Variants in PAXBP1 observed in about 807,000 individuals in gnomAD.
The protein encoded by PAXBP1 is PAX3- and PAX7-binding protein 1.
PAXBP1 carries 44 observed loss-of-function variants against 119.9 expected under a neutral mutation model. That is an observed-to-expected ratio of 0.37 (90% CI 0.29 to 0.47). The LOEUF is 0.47. Ranked by LOEUF, PAXBP1 falls within the 20% of genes least tolerant of loss-of-function variation. PAXBP1 has a pLI of 0.99. For synonymous variants in PAXBP1, 393 were observed against 406.6 expected, an observed-to-expected ratio of 0.97 and a Z score of 0.40; for missense variants, 898 against 1,134.1, an observed-to-expected ratio of 0.79 and a Z score of 2.99.
intron 3 of PAXBP1, among the ~76,000 whole-genome samples, chr21:32,763,745 G>A (rs553890247): frequency 3.3e-5 from 5 of 152,270 alleles, no homozygotes; most frequent in African/African-American, 1.2e-4. Context: ...CAGCACTTTG[G>A]GAGGCCGAGG....
rs775908438 is a variant in PAXBP1 at position 32,743,799 on chromosome 21, C to G, written c.2191-45G>C. The stretch of plus-strand genomic sequence containing the variant: ...TCACACATTTTAATAAGGACTATGA[C>G]AAGAAAAATAAGCCATATTCCAAAT... On this transcript the variant is annotated intron_variant, in intron 13 of 17. Coordinates refer to ENST00000331923, the MANE Select transcript of PAXBP1 (RefSeq NM_016631.4). 2.0e-5 allele frequency: 22 copies of G among 1,091,022 alleles called. 1 individual carries two copies. The Middle Eastern group carries it at 1.2e-3, about 60-fold the overall frequency. 67.6% of individuals were successfully genotyped at this position (1,091,022 alleles called of 1,614,324 possible). A position where few individuals can be genotyped will look rare whatever the true frequency, so the allele number is the denominator to read the frequency against.
At position 32,743,288 on chromosome 21, in the gene PAXBP1, G is replaced by A; in HGVS notation, c.2294C>T (p.Pro765Leu). ...AAACTGTCGTTGAAAAAACAAGTAA[G>A]GCCCAGAATTTTTATTTTCTAAGAC... Reference protein sequence around the residue: ...KNVLENKNSGPYLFFQRQFWS... With the variant: ...KNVLENKNSGLYLFFQRQFWS... The change falls in exon 15 of 18, where the codon CCT (proline) becomes CTT (leucine). Residue 765 changes from proline to leucine, a missense_variant. Around this residue, in one of 2 missense-constraint regions of PAXBP1, gnomAD observed 599 missense variants for 852.7 expected, o/e 0.70. Coordinates refer to ENST00000331923, the MANE Select transcript of PAXBP1 (RefSeq NM_016631.4). The A allele has an allele frequency of 6.4e-7, 1 of 1,574,262 alleles. No individual in the cohort carries two copies. The highest frequency in any genetic ancestry group is 8.6e-7 in the Non-Finnish European group (1 of 1,168,646).
At chr21:32,770,204 T>C (rs1164711385) in intron 1 of PAXBP1, among the ~76,000 whole-genome samples, 1 of 152,212 alleles carries the variant, frequency 6.6e-6, no homozygotes, top group East Asian at 1.9e-4. Context: ...ATTGTCGTCC[T>C]TAAATCATCT....
In PAXBP1 at chr21:32,769,957, T is replaced by G; in HGVS notation, c.344-15A>C. 6.7e-7 allele frequency: 1 copy of G among 1,499,634 alleles called. No individual in the cohort carries two copies. The highest frequency in any genetic ancestry group is 9.0e-7 in the Non-Finnish European group (1 of 1,107,542). 92.9% of individuals were successfully genotyped at this position (1,499,634 alleles called of 1,614,324 possible). On this transcript the variant is annotated splice_polypyrimidine_tract_variant and intron_variant, in intron 1 of 17. Coordinates refer to ENST00000331923, the MANE Select transcript of PAXBP1 (RefSeq NM_016631.4). The stretch of plus-strand genomic sequence containing the variant: ...TTCTTCATTTTCTTAAAAAGGAAAT[T>G]AAATGAAGTCTGTAGCAACTATTTT...
At position 32,734,053 on chromosome 21, in the gene PAXBP1, G is replaced by C. The variant is rs1367915695; in HGVS notation, c.*897C>G. On this transcript the variant is annotated 3_prime_UTR_variant, in exon 18 of 18. Coordinates refer to ENST00000331923, the MANE Select transcript of PAXBP1 (RefSeq NM_016631.4). ...CAAGTTCTCTGAATATTTACAATGT[G>C]GTATAAACATTATAGAAGACCATGG... is the stretch of plus-strand genomic sequence containing the variant. The C allele has an allele frequency of 6.6e-6, 1 of 152,532 alleles. No homozygotes were observed. The highest frequency in any genetic ancestry group is 2.1e-4 in the South Asian group (1 of 4,818). 9.4% of individuals were successfully genotyped at this position (152,532 alleles called of 1,614,324 possible). A position where few individuals can be genotyped will look rare whatever the true frequency, so the allele number is the denominator to read the frequency against.
intron 2 of PAXBP1, among the ~76,000 whole-genome samples, chr21:32,769,148 AT>A (rs2044291252): frequency 6.6e-6 from 1 of 152,200 alleles, no homozygotes; most frequent in Non-Finnish European, 1.5e-5. Context: ...GAAAATCATG[AT>A]TTTCTCATTA....
intron 2 of PAXBP1, among the ~76,000 whole-genome samples, chr21:32,766,614 C>T (rs1057421994): frequency 5.3e-5 from 8 of 152,314 alleles, no homozygotes; most frequent in Admixed American, 2.6e-4. Context: ...GCAGTGTGGA[C>T]CTGCTGCCCT....
intron 10 of PAXBP1, among the ~76,000 whole-genome samples, chr21:32,749,062 C>T (rs1351108600): frequency 6.6e-6 from 1 of 152,180 alleles, no homozygotes; most frequent in Admixed American, 6.5e-5. Context: ...CACAGATTAA[C>T]AGCTGTGCAT....
rs765886456 is a variant in PAXBP1, at chr21:32,771,359, C to G, written c.310G>C (p.Ala104Pro). 6.3e-7 allele frequency: 1 copy of G among 1,585,520 alleles called. No homozygotes were observed. The highest frequency in any genetic ancestry group is 8.5e-7 in the Non-Finnish European group (1 of 1,173,682). The change falls in exon 1 of 18, where the codon GCC becomes CCC. Residue 104 changes from alanine (A) to proline (P), a missense_variant. Coordinates refer to ENST00000331923, the MANE Select transcript of PAXBP1 (RefSeq NM_016631.4). ...TCGTCCTGGAAGCTGAGCAGGCTGG[C>G]CCGGGGCACCTCTTTGTTCTCGCGA... ...RPRENKEVPR[A>P]SLLSFQDEEE...
chr21:32,749,024 C>T lies in PAXBP1; in HGVS notation c.1724-326G>A, dbSNP rs141562985. On this transcript the variant is annotated intron_variant, in intron 10 of 17. Coordinates refer to ENST00000331923, the MANE Select transcript of PAXBP1 (RefSeq NM_016631.4). ...GTGTATTAGCCATAAGTAATTGTGC[C>T]GCTAGCTTTTTAGTTCACAGATCAC... 4.1e-4 allele frequency among the ~76,000 whole-genome samples: 63 copies of T among 152,174 alleles called. No individual in the cohort carries two copies. In the East Asian group the frequency reaches 5.0e-3, roughly 12 times the overall value.
At chr21:32,751,372 C>A (rs1425531392) in intron 8 of PAXBP1, 154 bp from the exon 9 acceptor site, 3 of 580,432 alleles carry the variant, frequency 5.2e-6, no homozygotes, top group Non-Finnish European at 9.0e-6. Flanking sequence ...TGGTTTAGAA[C>A]AAATTTCATT....
intron 15 of PAXBP1, chr21:32,743,026 G>A (rs1431630663): frequency 1.6e-6 from 1 of 639,976 alleles, no homozygotes; most frequent in Admixed American, 2.1e-5. Context: ...ATTTCGTTGA[G>A]TACGATGGAC....
intron 12 of PAXBP1, 69 bp from the exon 13 acceptor site, chr21:32,744,982 T>TTA: frequency 6.8e-7 from 1 of 1,467,190 alleles, no homozygotes; most frequent in Non-Finnish European, 9.3e-7. Flanking sequence ...CAAGCAGACC[T>TTA]CTATTAATGC....
intron 5 of PAXBP1, 130 bp downstream of exon 5, chr21:32,760,929 G>T (rs1425941582): frequency 3.1e-6 from 2 of 652,648 alleles, no homozygotes; most frequent in Non-Finnish European, 5.4e-6. Context: ...GTGTGTGTGT[G>T]TGTGTCTCCT....
Position 32,733,910 on chromosome 21 carries a change from ATTAAT to A in PAXBP1, c.*1035_*1039del, listed in dbSNP as rs1442314041. On this transcript the variant is annotated 3_prime_UTR_variant, in exon 18 of 18. Transcript: ENST00000331923. ...AATACAACAAAGGATATATTTAAAA[ATTAAT>A]TTAATGCTTGGCTAAATCTTAATTA... is the stretch of plus-strand genomic sequence containing the variant. 2 of 152,686 alleles carry A rather than the reference ATTAAT, an allele frequency of 1.3e-5. No individual in the cohort carries two copies. The highest frequency in any genetic ancestry group is 2.9e-5 in the Non-Finnish European group (2 of 68,042). 9.5% of individuals were successfully genotyped at this position (152,686 alleles called of 1,614,324 possible). A position where few individuals can be genotyped will look rare whatever the true frequency, so the allele number is the denominator to read the frequency against.
chr21:32,748,283 AC>A lies in PAXBP1; in HGVS notation c.1923+215del, dbSNP rs1318054234. Among the ~76,000 whole-genome samples the A allele has an allele frequency of 5.3e-5, 8 of 152,344 alleles. 1 individual carries two copies. In the East Asian group the frequency reaches 1.5e-3, roughly 29 times the overall value. On this transcript the variant is annotated intron_variant, in intron 11 of 17. Coordinates refer to ENST00000331923, the MANE Select transcript of PAXBP1 (RefSeq NM_016631.4). ...GGATTATATGTAAACTGAAAAAACA[AC>A]AACAACAACAAAAAAAACACATAGC... is the stretch of plus-strand genomic sequence containing the variant.
intron 4 of PAXBP1, 70 bp downstream of exon 4, chr21:32,762,026 T>C: frequency 6.6e-7 from 1 of 1,520,780 alleles, no homozygotes; most frequent in Non-Finnish European, 9.1e-7. Context: ...AGTGATGGAA[T>C]GACACCCTGC....
rs997218715 is a variant in PAXBP1 at position 32,771,403 on chromosome 21, A to G, written c.266T>C (p.Leu89Pro). ...FPGGAEPGNG[L>P]KPRKRPRENK... The stretch of plus-strand genomic sequence containing the variant: ...CTCGCGAGGCCTCTTGCGCGGCTTC[A>G]GCCCGTTGCCGGGCTCCGCGCCGCC... Residue 89 changes from leucine to proline, a missense_variant, in exon 1 of 18, where the codon CTG (leucine) becomes CCG (proline). Leu to Pro is a moderately conservative substitution (Grantham distance 98, BLOSUM62 -3). Coordinates refer to ENST00000331923, the MANE Select transcript of PAXBP1 (RefSeq NM_016631.4). 1.3e-6 allele frequency: 2 copies of G among 1,557,796 alleles called. No individual in the cohort carries two copies. Among genetic ancestry groups the G allele is most frequent in the African/African-American group, 1.4e-5 (1 of 70,754 alleles).
At chr21:32,760,225 G>T (rs545717334) in intron 5 of PAXBP1, among the ~76,000 whole-genome samples, 47 of 152,210 alleles carry the variant, frequency 3.1e-4, no homozygotes, top group African/African-American at 1.1e-3. Flanking sequence ...AGAGTTCAGA[G>T]TTGGAAGAAA....
Sources: gnomAD v4.1 joint callset for allele counts (sites outside exome capture counted in the v4.1 genomes callset) on GRCh38, gnomAD v4.1.1 for gene constraint, gnomAD v4.1.1 regional missense constraint, MANE v1.5 for transcripts, NCBI Gene and HGNC (gene_info 2026-07-23, HGNC 2026-07-21) for gene names.